Variants in MAGI1 observed in about 807,000 individuals in gnomAD.
MAGI1 encodes the protein membrane-associated guanylate kinase, WW and PDZ domain-containing protein 1.
MAGI1 carries 58 observed loss-of-function variants against 139.9 expected under a neutral mutation model. The observed-to-expected ratio is 0.41, with a 90% CI of 0.34 to 0.52. The LOEUF (loss-of-function observed/expected upper bound fraction) is 0.52, where lower values mean the gene tolerates loss of function less well. Among genes scored for constraint, MAGI1 ranks in the 20% least tolerant of loss-of-function variants. MAGI1 has a pLI of 0.12. For synonymous variants in MAGI1, 812 were observed against 737.9 expected, an observed-to-expected ratio of 1.10 and a Z score of -1.63; for missense variants, 1,874 against 1,901.6, an observed-to-expected ratio of 0.99 and a Z score of 0.27.
chr3:65,623,246 C>G (rs1258772133), intron 1 of MAGI1, among the ~76,000 whole-genome samples: 3 of 143,614 alleles, frequency 2.1e-5, no homozygotes, highest in Non-Finnish European at 4.7e-5. Context: ...ATGTATGTTG[C>G]TTTTTGGTTG....
Position 65,953,363 on chromosome 3 carries a change from T to A in MAGI1, c.313+84633A>T, listed in dbSNP as rs181856311. 2.0e-3 allele frequency among the ~76,000 whole-genome samples: 310 copies of A among 152,272 alleles called. 2 individuals are homozygous for A. The highest frequency in any genetic ancestry group is 6.9e-3 in the African/African-American group (285 of 41,544). On this transcript the variant is annotated intron_variant, in intron 1 of 22. Coordinates refer to ENST00000402939, the MANE Select transcript of MAGI1 (RefSeq NM_001033057.2). Reference sequence around the variant, plus strand: ...AGGGCAGCTAATGCTGGGCCTGGCATTTTTTCCACTCTTATCTAAAATATG... The same window carrying A: ...AGGGCAGCTAATGCTGGGCCTGGCAATTTTTCCACTCTTATCTAAAATATG...
intron 1 of MAGI1, among the ~76,000 whole-genome samples, chr3:65,669,892 C>T (rs917370999): frequency 3.9e-5 from 6 of 152,164 alleles, no homozygotes; most frequent in African/African-American, 1.4e-4. Context: ...AATTAGAGCA[C>T]AAACAAGATC....
At chr3:65,908,294 A>ATAATCCTTAATTTTTT (rs1395470024) in intron 1 of MAGI1, among the ~76,000 whole-genome samples, 1 of 151,926 alleles carries the variant, frequency 6.6e-6, no homozygotes, top group African/African-American at 2.4e-5. Context: ...ACTGTCCACA[A>ATAATCCTTAATTTTTT]TAATCCTTAA....
At chr3:65,874,163 G>A (rs2060031432) in intron 1 of MAGI1, 1 of 152,402 alleles carries the variant, frequency 6.6e-6, no homozygotes, top group South Asian at 2.1e-4. Context: ...GCATGTACCT[G>A]TAGTCCAAAC....
chr3:65,605,915 C>A (rs973970926), intron 2 of MAGI1, among the ~76,000 whole-genome samples: 1 of 152,208 alleles, frequency 6.6e-6, no homozygotes, highest in Middle Eastern at 3.2e-3. Context: ...GCGAGTCCTA[C>A]TTTGTGCAGG....
intron 2 of MAGI1, among the ~76,000 whole-genome samples, chr3:65,528,771 C>T (rs117051183): frequency 2.6e-5 from 4 of 152,124 alleles, no homozygotes; most frequent in African/African-American, 2.4e-5. Context: ...TGGAGTCAGG[C>T]GTAGTGGCTC....
intron 12 of MAGI1, 39 bp downstream of exon 12, chr3:65,429,481 A>G: frequency 6.5e-7 from 1 of 1,536,502 alleles, no homozygotes; most frequent in Non-Finnish European, 8.7e-7. Flanking sequence ...TGAATTTGGG[A>G]TAAAAAAAAA....
At chr3:65,790,630 T>G (rs2039695688) in intron 1 of MAGI1, among the ~76,000 whole-genome samples, 1 of 152,172 alleles carries the variant, frequency 6.6e-6, no homozygotes, top group Non-Finnish European at 1.5e-5. Context: ...TGGAGTCAGC[T>G]GTAGAGGAAA....
At chr3:65,726,889 AG>A (rs1468213875) in intron 1 of MAGI1, among the ~76,000 whole-genome samples, 1 of 151,414 alleles carries the variant, frequency 6.6e-6, no homozygotes, top group East Asian at 2.0e-4. Context: ...GAACAGATAA[AG>A]GGAGATGGAT....
chr3:65,759,742 G>T (rs1361225437), intron 1 of MAGI1, among the ~76,000 whole-genome samples: 1 of 152,156 alleles, frequency 6.6e-6, no homozygotes, highest in Non-Finnish European at 1.5e-5. Context: ...GGACTAACAA[G>T]TTTGTGCTTG....
intron 9 of MAGI1, among the ~76,000 whole-genome samples, chr3:65,438,176 A>C (rs1382808445): frequency 6.6e-6 from 1 of 152,180 alleles, no homozygotes; most frequent in East Asian, 1.9e-4. Context: ...TATGTATGCC[A>C]TGGAATACTG....
intron 1 of MAGI1, among the ~76,000 whole-genome samples, chr3:65,967,787 G>C (rs2064828266): frequency 6.6e-6 from 1 of 152,206 alleles, no homozygotes; most frequent in Admixed American, 6.5e-5. Context: ...CAACTTCTCA[G>C]GCTCTATAGA....
intron 1 of MAGI1, among the ~76,000 whole-genome samples, chr3:65,730,815 C>T (rs1019970724): frequency 6.6e-6 from 1 of 152,108 alleles, no homozygotes; most frequent in Non-Finnish European, 1.5e-5. Context: ...TTTTTGTTTT[C>T]TCTACAGCAA....
chr3:65,940,885 G>A (rs1032639302), intron 1 of MAGI1, among the ~76,000 whole-genome samples: 2 of 152,030 alleles, frequency 1.3e-5, no homozygotes, highest in African/African-American at 4.8e-5. Flanking sequence ...AAACCATCCC[G>A]TCATATTCAA....
At chr3:66,000,067 G>A (rs2066663153) in intron 1 of MAGI1, among the ~76,000 whole-genome samples, 4 of 143,634 alleles carry the variant, frequency 2.8e-5, no homozygotes, top group Non-Finnish European at 6.0e-5. Context: ...CCACCTCCCG[G>A]GTCCACGCCA....
At chr3:65,749,047 A>G (rs1350622483) in intron 1 of MAGI1, among the ~76,000 whole-genome samples, 1 of 152,156 alleles carries the variant, frequency 6.6e-6, no homozygotes, top group Non-Finnish European at 1.5e-5. Context: ...GAGCTCAGGC[A>G]CTACTATAAA....
chr3:65,439,776 G>T, intron 9 of MAGI1, 103 bp downstream of exon 9: 1 of 1,576,478 alleles, frequency 6.3e-7, no homozygotes, highest in Non-Finnish European at 8.6e-7. Flanking sequence ...GGCAAGAGAG[G>T]ACTCAATCAT....
chr3:65,861,297 C>G (rs1289510377), intron 1 of MAGI1, among the ~76,000 whole-genome samples: 1 of 152,162 alleles, frequency 6.6e-6, no homozygotes, highest in Non-Finnish European at 1.5e-5. Context: ...TTTTGAATTT[C>G]TTATACCAGG....
intron 2 of MAGI1, among the ~76,000 whole-genome samples, chr3:65,507,184 T>C (rs1000574036): frequency 6.6e-6 from 1 of 152,202 alleles, no homozygotes; most frequent in Non-Finnish European, 1.5e-5. Context: ...GAAAACTTAC[T>C]GGGGCAGTAA....
Sources: allele counts gnomAD v4.1 joint callset (sites outside exome capture counted in the v4.1 genomes callset), GRCh38; gene constraint gnomAD v4.1.1; transcripts MANE v1.5; gene names NCBI Gene and HGNC (gene_info 2026-07-23, HGNC 2026-07-21).